LAMC3: variants seen among roughly 807,000 people sequenced by gnomAD.
LAMC3 encodes the protein laminin subunit gamma-3.
In LAMC3, 128 loss-of-function variants were observed where a neutral mutation model predicts 173.8. That is an observed-to-expected ratio of 0.74 (90% CI 0.64 to 0.85). The LOEUF is 0.85. Among genes scored for constraint, LAMC3 ranks in the 40% least tolerant of loss-of-function variants. The pLI is 0.00. For synonymous variants in LAMC3, 897 were observed against 909.1 expected, an observed-to-expected ratio of 0.99 and a Z score of 0.24; for missense variants, 2,022 against 2,156.0, an observed-to-expected ratio of 0.94 and a Z score of 1.23.
chr9:131,032,292 AGAGG>A, intron 3 of LAMC3, 117 bp downstream of exon 3: 1 of 827,584 alleles, frequency 1.2e-6, no homozygotes, highest in South Asian at 1.4e-5. Flanking sequence ...GCCCCAGGGG[AGAGG>A]GAGGGAGCAC....
Position 131,087,456 on chromosome 9 carries a change from C to T in LAMC3, c.4231-20C>T. The T allele has an allele frequency of 6.2e-7, 1 of 1,613,632 alleles. No homozygotes were observed. The highest frequency in any genetic ancestry group is 8.5e-7 in the Non-Finnish European group (1 of 1,179,926). ...TGCTGCACTCACTTCTTCTCCCTGC[C>T]ACTGCCACCCATCCCATAGCTTGCC... On this transcript the variant is annotated intron_variant, in intron 25 of 27. Coordinates refer to ENST00000361069, the MANE Select transcript of LAMC3 (RefSeq NM_006059.4).
Position 131,077,227 on chromosome 9 carries a change from G to A in LAMC3, c.3670G>A (p.Ala1224Thr), listed in dbSNP as rs2133335468. 1 of 1,613,914 alleles carries A rather than the reference G, an allele frequency of 6.2e-7. No individual in the cohort carries two copies. Among genetic ancestry groups the A allele is most frequent in the Admixed American group, 1.7e-5 (1 of 60,022 alleles). ...GGCGGCCCAGAAAGCACTGAGGACG[G>A]CTGTGGCAGAGGTGCTGCCTGAAGC... ...VQAAQKALRTAVAEVLPEAES... is the reference protein window; with the variant it reads ...VQAAQKALRTTVAEVLPEAES... Residue 1224 changes from alanine to threonine, a missense_variant, in exon 22 of 28, where the codon GCT becomes ACT. Ala to Thr is a moderately conservative substitution (Grantham distance 58). Coordinates refer to ENST00000361069, the MANE Select transcript of LAMC3 (RefSeq NM_006059.4).
At position 131,067,025 on chromosome 9, in the gene LAMC3, C is replaced by T. The variant is rs1216133042; in HGVS notation, c.2413C>T (p.Gln805Ter). 1.9e-6 allele frequency: 3 copies of T among 1,614,074 alleles called. No homozygotes were observed. Among genetic ancestry groups the T allele is most frequent in the South Asian group, 2.2e-5 (2 of 91,086 alleles). The change falls in exon 14 of 28, where the codon CAG (glutamine) becomes TAG (stop). Residue 805 changes from glutamine (Q) to a stop codon, truncating the protein, a stop_gained. Transcript: ENST00000361069. LOFTEE classifies it high-confidence loss of function. ...GDPLGLFGHP[Q>*]PCHQCQCSGN... ...CCCGCTGGGGCTCTTTGGGCACCCC[C>T]AGCCCTGCCACCAGTGCCAGTGTAG... is the stretch of plus-strand genomic sequence containing the variant.
intron 2 of LAMC3, among the ~76,000 whole-genome samples, chr9:131,028,747 C>T (rs1441209018): frequency 6.6e-6 from 1 of 152,224 alleles, no homozygotes; most frequent in Admixed American, 6.5e-5. Context: ...TGGAGTCACA[C>T]GCACAGCACA....
At position 131,047,101 on chromosome 9, in the gene LAMC3, C is replaced by G. The variant is rs553884240; in HGVS notation, c.1519+1441C>G. ...GTGGCCGGCCCTTCAGGGGTGTCAT[C>G]TCATTTTGTCTCACAGTTGCCCTTG... On this transcript the variant is annotated intron_variant, in intron 8 of 27. Transcript: ENST00000361069. Among the ~76,000 whole-genome samples, 103 of 150,948 alleles carry G rather than the reference C, an allele frequency of 6.8e-4. 1 individual carries two copies. Among genetic ancestry groups the G allele is most frequent in the Admixed American group, 6.3e-3 (95 of 15,124 alleles).
At chr9:131,060,586 G>A (rs186445860) in intron 12 of LAMC3, among the ~76,000 whole-genome samples, 3 of 152,220 alleles carry the variant, frequency 2.0e-5, no homozygotes, top group Admixed American at 2.0e-4. Context: ...GGAGGTTGCA[G>A]TGAGCCAAAT....
intron 25 of LAMC3, among the ~76,000 whole-genome samples, chr9:131,086,201 C>G (rs1446958680): frequency 6.6e-6 from 1 of 151,872 alleles, no homozygotes; most frequent in African/African-American, 2.4e-5. Context: ...GCCTCAGATT[C>G]CAGAGTGGCT....
At chr9:131,075,769 T>A in intron 20 of LAMC3, 62 bp from the exon 21 acceptor site, 1 of 1,555,148 alleles carries the variant, frequency 6.4e-7, no homozygotes. Context: ...GGGGCGTAGT[T>A]CTGATCCTGG....
In LAMC3 at chr9:131,075,985, G is replaced by A. The variant is rs1231767571; in HGVS notation, c.3629+20G>A. The A allele has an allele frequency of 1.9e-6, 3 of 1,589,822 alleles. No homozygotes were observed. Among genetic ancestry groups the A allele is most frequent in the Non-Finnish European group, 2.6e-6 (3 of 1,165,356 alleles). ...GGACAGGTGAGGCCTCCCCAGGTGT[G>A]GGTAGAAACTTTGGGGTTGGCCTCC... is the stretch of plus-strand genomic sequence containing the variant. On this transcript the variant is annotated intron_variant, in intron 21 of 27. Coordinates refer to ENST00000361069, the MANE Select transcript of LAMC3 (RefSeq NM_006059.4).
intron 12 of LAMC3, among the ~76,000 whole-genome samples, chr9:131,059,791 G>A (rs1334757893): frequency 6.6e-6 from 1 of 152,252 alleles, no homozygotes; most frequent in Non-Finnish European, 1.5e-5. Flanking sequence ...GAAACGGGCA[G>A]TATAGCCCCG....
intron 27 of LAMC3, among the ~76,000 whole-genome samples, chr9:131,091,045 C>A (rs1405600781): frequency 6.6e-6 from 1 of 152,110 alleles, no homozygotes; most frequent in Admixed American, 6.5e-5. Context: ...TGCATCCATC[C>A]ATCCATACAT....
chr9:131,026,217 C>A lies in LAMC3; in HGVS notation c.374-68C>A. On this transcript the variant is annotated intron_variant, in intron 1 of 27. Transcript: ENST00000361069. The surrounding 1 kb of genome is among the most constrained non-coding windows in gnomAD (Gnocchi z 4.8). ...TAGTGCCTGCAATGCAGCCGTCTGT[C>A]CTTCCTAGACCAGGATTCCATACCT... 1 of 1,602,336 alleles carries A rather than the reference C, an allele frequency of 6.2e-7. No individual in the cohort carries two copies. The highest frequency in any genetic ancestry group is 8.5e-7 in the Non-Finnish European group (1 of 1,174,960).
In LAMC3 at chr9:131,069,737, A is replaced by G. The variant is rs1325528931; in HGVS notation, c.2956A>G (p.Arg986Gly). 6.2e-7 allele frequency: 1 copy of G among 1,601,870 alleles called. No homozygotes were observed. The highest frequency in any genetic ancestry group is 8.5e-7 in the Non-Finnish European group (1 of 1,175,114). The change falls in exon 17 of 28, where the codon AGG becomes GGG. Residue 986 changes from arginine to glycine, a missense_variant. Transcript: ENST00000361069. ...QCHENGTCVC[R>G]PGFEGYKCDR... ...CCACGAGAACGGCACATGCGTGTGCAGGCCTGGCTTCGAGGGCTACAAATG... is the reference window on the plus strand; with the variant it reads ...CCACGAGAACGGCACATGCGTGTGCGGGCCTGGCTTCGAGGGCTACAAATG...
At chr9:131,025,821 G>C (rs1833704811) in intron 1 of LAMC3, among the ~76,000 whole-genome samples, 2 of 152,160 alleles carry the variant, frequency 1.3e-5, no homozygotes, top group South Asian at 4.1e-4. Context: ...AGCAATAAGG[G>C]GTCCAGGGAG....
chr9:131,057,632 T>C (rs1024889031), intron 12 of LAMC3, among the ~76,000 whole-genome samples: 2 of 152,178 alleles, frequency 1.3e-5, no homozygotes, highest in African/African-American at 4.8e-5. Context: ...CCTCACCCCT[T>C]AGTGGCCATG....
chr9:131,067,206 G>A lies in LAMC3; in HGVS notation c.2593+1G>A, dbSNP rs141896314. On this transcript the variant is annotated splice_donor_variant, in intron 14 of 27. Transcript: ENST00000361069. LOFTEE classifies it high-confidence loss of function. ...CCTCGACCCGCAGACAAATGCATGC[G>A]TGAGTACCTACCTCCAGACCCCAGG... is the stretch of plus-strand genomic sequence containing the variant. The A allele has an allele frequency of 3.4e-5, 55 of 1,612,934 alleles. No homozygotes were observed. Among genetic ancestry groups the A allele is most frequent in the East Asian group, 1.3e-4 (6 of 44,838 alleles).
intron 23 of LAMC3, among the ~76,000 whole-genome samples, chr9:131,079,885 A>C (rs1035948116): frequency 6.6e-6 from 1 of 152,158 alleles, no homozygotes; most frequent in Non-Finnish European, 1.5e-5. Flanking sequence ...TCATGCCTCC[A>C]TTCATTAGTT....
At chr9:131,010,848 A>G (rs923251587) in intron 1 of LAMC3, among the ~76,000 whole-genome samples, 6 of 151,994 alleles carry the variant, frequency 3.9e-5, no homozygotes, top group African/African-American at 1.5e-4. Context: ...CCCTGCCCCC[A>G]CTGCAGGGAG....
At chr9:131,064,460 G>A (rs13284244) in intron 13 of LAMC3, among the ~76,000 whole-genome samples, 126,076 of 151,852 alleles carry the variant, frequency 0.83, 52,584 homozygotes, top group African/African-American at 0.87. Flanking sequence ...TCAGGAGATC[G>A]AGACCATCCT....
Sources: allele counts gnomAD v4.1 joint callset (sites outside exome capture counted in the v4.1 genomes callset), GRCh38; gene constraint gnomAD v4.1.1; non-coding constraint Gnocchi (gnomAD v3.1); transcripts MANE v1.5; gene names NCBI Gene and HGNC (gene_info 2026-07-23, HGNC 2026-07-21).